HIPK2: variants seen among roughly 807,000 people sequenced by gnomAD.
The protein encoded by HIPK2 is homeodomain-interacting protein kinase 2.
A neutral mutation model predicts 113.7 loss-of-function variants in HIPK2; 27 were observed. That is an observed-to-expected ratio of 0.24 (90% CI 0.17 to 0.33). The LOEUF (loss-of-function observed/expected upper bound fraction) is 0.33. HIPK2 is among the 10% of genes least tolerant of loss of function. The probability of loss-of-function intolerance (pLI) is 1.00; values close to 1 mark genes in which losing one functional copy is unlikely to be tolerated. For synonymous variants in HIPK2, 631 were observed against 642.2 expected (o/e 0.98, Z 0.26); for missense variants, 1,257 against 1,588.0 (o/e 0.79, Z 3.54).
chr7:139,709,442 T>C (rs941574681), intron 2 of HIPK2, among the ~76,000 whole-genome samples: 2 of 152,256 alleles, frequency 1.3e-5, no homozygotes, highest in African/African-American at 4.8e-5. Context: ...TATAAAGCTA[T>C]GCCCCTTTTT....
At chr7:139,623,329 G>A (rs908936617) in intron 6 of HIPK2, among the ~76,000 whole-genome samples, 21 of 152,140 alleles carry the variant, frequency 1.4e-4, no homozygotes, top group Middle Eastern at 6.8e-3. Flanking sequence ...TGGCCAACAT[G>A]GGGAAACCCT....
At chr7:139,768,572 G>A (rs1468896637) in intron 1 of HIPK2, among the ~76,000 whole-genome samples, 1 of 152,142 alleles carries the variant, frequency 6.6e-6, no homozygotes, top group Non-Finnish European at 1.5e-5. Flanking sequence ...ATGGTGACAA[G>A]CTGTGAACTT....
chr7:139,682,021 C>T (rs1217567495), intron 2 of HIPK2, among the ~76,000 whole-genome samples: 3 of 152,184 alleles, frequency 2.0e-5, no homozygotes, highest in African/African-American at 7.2e-5. Flanking sequence ...TCGTGCACGG[C>T]TTATGTCATG....
intron 1 of HIPK2, among the ~76,000 whole-genome samples, chr7:139,758,573 A>G (rs1020528375): frequency 2.0e-5 from 3 of 152,146 alleles, no homozygotes; most frequent in African/African-American, 7.2e-5. Context: ...GTGAGTGAGC[A>G]TTACCGGCTG....
intron 2 of HIPK2, among the ~76,000 whole-genome samples, chr7:139,642,607 A>G (rs1801065590): frequency 6.6e-6 from 1 of 152,246 alleles, no homozygotes; most frequent in Admixed American, 6.5e-5. Context: ...CATTGAGGTG[A>G]GCTAATCCCA....
At chr7:139,713,895 A>G (rs182821281) in intron 2 of HIPK2, among the ~76,000 whole-genome samples, 1 of 152,314 alleles carries the variant, frequency 6.6e-6, no homozygotes, top group Admixed American at 6.5e-5. Context: ...CTCTACAGAG[A>G]ATATGTGCTG....
chr7:139,625,928 CCT>C (rs916986335), intron 6 of HIPK2, among the ~76,000 whole-genome samples: 2 of 152,048 alleles, frequency 1.3e-5, no homozygotes, highest in African/African-American at 2.4e-5. Flanking sequence ...AATCTTTGGC[CCT>C]GAGACTAGTT....
rs974586812 is a variant in HIPK2 at position 139,763,480 on chromosome 7, C to A, written c.19+14125G>T. ...AGATTTTGCCGGAACACGCCCCCCC[C>A]CCCACACGCCCCTCCCACCACGTGA... On this transcript the variant is annotated intron_variant, in intron 1 of 14. Coordinates refer to ENST00000406875, the MANE Select transcript of HIPK2 (RefSeq NM_022740.5). 8.6e-4 allele frequency among the ~76,000 whole-genome samples: 114 copies of A among 131,912 alleles called. 3 individuals carry two copies. Among genetic ancestry groups the A allele is most frequent in the African/African-American group, 3.4e-3 (106 of 31,404 alleles). 86.5% of individuals were successfully genotyped at this position (131,912 alleles called of 152,430 possible).
At chr7:139,768,378 G>C (rs189328157) in intron 1 of HIPK2, among the ~76,000 whole-genome samples, 1 of 152,318 alleles carries the variant, frequency 6.6e-6, no homozygotes, top group Admixed American at 6.5e-5. Flanking sequence ...CTGGAGACAA[G>C]AGGCAGGGCT....
At chr7:139,606,885 G>A (rs1799636981) in intron 9 of HIPK2, among the ~76,000 whole-genome samples, 1 of 152,072 alleles carries the variant, frequency 6.6e-6, no homozygotes, top group Non-Finnish European at 1.5e-5. Flanking sequence ...AGACAGTAAA[G>A]GAAGCCTCTA....
intron 12 of HIPK2, 35 bp from the exon 13 acceptor site, chr7:139,584,099 A>C: frequency 6.4e-7 from 1 of 1,550,606 alleles, no homozygotes; most frequent in Non-Finnish European, 8.7e-7. Flanking sequence ...GAGGTGGGAG[A>C]AGGCCGTGAG....
At chr7:139,617,550 A>C (rs1334318858) in intron 7 of HIPK2, among the ~76,000 whole-genome samples, 1 of 152,254 alleles carries the variant, frequency 6.6e-6, no homozygotes, top group African/African-American at 2.4e-5. Flanking sequence ...ATGTTAGAGA[A>C]GTTGCTGATC....
At chr7:139,618,541 G>A (rs557658256) in intron 7 of HIPK2, among the ~76,000 whole-genome samples, 5 of 152,256 alleles carry the variant, frequency 3.3e-5, no homozygotes, top group East Asian at 3.9e-4. Context: ...TGGAGAAGAC[G>A]GGTGTTCTTA....
At chr7:139,611,107 A>C (rs763527008) in intron 9 of HIPK2, among the ~76,000 whole-genome samples, 12 of 152,184 alleles carry the variant, frequency 7.9e-5, no homozygotes, top group Non-Finnish European at 1.2e-4. Context: ...AAGTAATACA[A>C]TCCCCTTGCT....
intron 1 of HIPK2, among the ~76,000 whole-genome samples, chr7:139,731,981 G>A (rs1377467417): frequency 1.3e-5 from 2 of 152,116 alleles, no homozygotes; most frequent in Non-Finnish European, 2.9e-5. Context: ...GAAACGAAAG[G>A]AAGAAAGCTG....
At chr7:139,606,308 CTG>C (rs1401300349) in intron 9 of HIPK2, among the ~76,000 whole-genome samples, 1 of 152,106 alleles carries the variant, frequency 6.6e-6, no homozygotes, top group East Asian at 1.9e-4. Flanking sequence ...GAGGTAGGGA[CTG>C]TTATTTTCTT....
chr7:139,592,105 T>C (rs1393763056), intron 12 of HIPK2, among the ~76,000 whole-genome samples: 1 of 152,258 alleles, frequency 6.6e-6, no homozygotes, highest in Non-Finnish European at 1.5e-5. Flanking sequence ...TTCAACTTAG[T>C]ATAAACAAGG....
chr7:139,603,980 G>T, intron 10 of HIPK2, 101 bp downstream of exon 10: 1 of 1,489,420 alleles, frequency 6.7e-7, no homozygotes, highest in Non-Finnish European at 9.2e-7. Context: ...TCTACAAACC[G>T]GGGAATTGAA....
chr7:139,600,101 C>G (rs1006723245), intron 11 of HIPK2, among the ~76,000 whole-genome samples: 1 of 152,148 alleles, frequency 6.6e-6, no homozygotes, highest in Non-Finnish European at 1.5e-5. Context: ...ACCGACACCC[C>G]CCAACCCTGC....
Sources: gnomAD v4.1 joint callset for allele counts (sites outside exome capture counted in the v4.1 genomes callset) on GRCh38, gnomAD v4.1.1 for gene constraint, MANE v1.5 for transcripts, NCBI Gene and HGNC (gene_info 2026-07-23, HGNC 2026-07-21) for gene names.